DCHS1: variants seen among roughly 807,000 people sequenced by gnomAD.
The protein encoded by DCHS1 is dachsous cadherin-related 1, also known as protocadherin-16.
Under a neutral mutation model 213.9 loss-of-function variants are expected in DCHS1, and 78 were observed. The observed-to-expected ratio is 0.36, with a 90% confidence interval of 0.30 to 0.44. The LOEUF is 0.44. Among genes scored for constraint, DCHS1 ranks in the 20% least tolerant of loss-of-function variants. The pLI is 1.00. For missense variants in DCHS1, 3,946 were observed against 4,395.9 expected, an observed-to-expected ratio of 0.90 and a Z score of 2.89; for synonymous variants, 1,828 against 1,873.7, an observed-to-expected ratio of 0.98 and a Z score of 0.63.
intron 3 of DCHS1, 24 bp downstream of exon 3, chr11:6,634,094 C>A (rs1431448852): frequency 6.3e-7 from 1 of 1,598,448 alleles, no homozygotes; most frequent in Non-Finnish European, 8.5e-7. Flanking sequence ...AACATCCCAA[C>A]CTGCCCTTGG....
rs753145923 is a variant in DCHS1 at position 6,622,282 on chromosome 11, C to T, written c.9394G>A (p.Asp3132Asn). The T allele has an allele frequency of 1.2e-6, 2 of 1,606,780 alleles. No individual in the cohort carries two copies. Among genetic ancestry groups the T allele is most frequent in the Admixed American group, 1.7e-5 (1 of 59,462 alleles). Residue 3132 changes from aspartate (D) to asparagine (N), a missense_variant, in exon 21 of 21, where the codon GAC becomes AAC. Transcript: ENST00000299441. This position sits in a 1 kb window ranked among gnomAD's most constrained non-coding sequence, Gnocchi z 5.4. Reference sequence around the variant, plus strand: ...TTGCCATCTGCTGGGAAGCCATAGTCCCCAGTGGGTGCAGGGCTCAGGCCA... The same window carrying T: ...TTGCCATCTGCTGGGAAGCCATAGTTCCCAGTGGGTGCAGGGCTCAGGCCA... The part of the protein sequence containing the change: ...GCGLSPAPTG[D>N]YGFPADGKPC...
In DCHS1 at chr11:6,630,186, G is replaced by A. The variant is rs769958055; in HGVS notation, c.4608C>T (p.Val1536=). 5.0e-5 allele frequency: 80 copies of A among 1,592,154 alleles called. No homozygotes were observed. Among genetic ancestry groups the A allele is most frequent in the Non-Finnish European group, 6.7e-5 (78 of 1,169,948 alleles). Residue 1536 remains valine (V), a synonymous_variant, in exon 10 of 21, where the codon GTC becomes GTT. Coordinates refer to ENST00000299441, the MANE Select transcript of DCHS1 (RefSeq NM_003737.4). ...CAGGCGCGTTGTCATTCTCATCCGT[G>A]ACGAAGACGCGCGCTGAAACGCGCG... The part of the protein sequence containing the change: ...RAARVSARVF[V]TDENDNAPVF...
intron 2 of DCHS1, among the ~76,000 whole-genome samples, chr11:6,636,683 C>T (rs879542830): frequency 3.3e-5 from 5 of 152,174 alleles, no homozygotes; most frequent in Non-Finnish European, 7.3e-5. Context: ...GCTTCTCCAC[C>T]CACTGCTTCC....
chr11:6,625,321 C>T lies in DCHS1; in HGVS notation c.7023G>A (p.Gln2341=). 3 of 1,613,864 alleles carry T rather than the reference C, an allele frequency of 1.9e-6. No homozygotes were observed. The South Asian group carries it at 3.3e-5, about 18-fold the overall frequency. ...VSLTGPLDFE[Q]CDRYQLQLLA... Reference sequence around the variant, plus strand: ...GCAGCTGCAGCTGGTAGCGGTCACACTGCTCAAAGTCCAGGGGCCCCGTGA... The same window carrying T: ...GCAGCTGCAGCTGGTAGCGGTCACATTGCTCAAAGTCCAGGGGCCCCGTGA... Residue 2341 remains glutamine, a synonymous_variant, in exon 19 of 21, where the codon CAG becomes CAA. Transcript: ENST00000299441. The surrounding 1 kb of genome is among the most constrained non-coding windows in gnomAD (Gnocchi z 5.3).
At position 6,621,398 on chromosome 11, in the gene DCHS1, G is replaced by A. The variant is rs1411137273; in HGVS notation, c.*381C>T. The A allele has an allele frequency of 3.0e-5, 11 of 372,024 alleles. No homozygotes were observed. The East Asian group carries it at 7.1e-4, about 24-fold the overall frequency. 23.0% of individuals were successfully genotyped at this position (372,024 alleles called of 1,614,324 possible). ...TTGGTTCTGGGCAGGGGCAGGGGCA[G>A]GGGTGTCAGTGGAACCCAAAGGAGC... On this transcript the variant is annotated 3_prime_UTR_variant, in exon 21 of 21. Transcript: ENST00000299441.
In DCHS1 at chr11:6,629,679, G is replaced by A. The variant is rs199810660; in HGVS notation, c.5028C>T (p.Pro1676=). The part of the protein sequence containing the change: ...TSLLTLRATD[P]DVGANGQVTY... Reference sequence around the variant, plus strand: ...CACCCCCCCAGGTCTTACCCACGTCGGGGTCGGTTGCTCGCAGGGTGAGCA... The same window carrying A: ...CACCCCCCCAGGTCTTACCCACGTCAGGGTCGGTTGCTCGCAGGGTGAGCA... Residue 1676 remains proline (P), a synonymous_variant, in exon 11 of 21, where the codon CCC becomes CCT. Coordinates refer to ENST00000299441, the MANE Select transcript of DCHS1 (RefSeq NM_003737.4). 1.6e-5 allele frequency: 26 copies of A among 1,613,490 alleles called. No homozygotes were observed. In the South Asian group the frequency reaches 2.6e-4, roughly 16 times the overall value.
At chr11:6,631,519 A>G (rs1855907470) in intron 7 of DCHS1, 97 bp downstream of exon 7, 3 of 1,579,766 alleles carry the variant, frequency 1.9e-6, no homozygotes, top group Middle Eastern at 1.7e-4. Flanking sequence ...CTCACACCCA[A>G]TCCAGGAGGC....
intron 12 of DCHS1, 37 bp downstream of exon 12, chr11:6,629,415 A>G (rs1445584601): frequency 6.2e-7 from 1 of 1,609,034 alleles, no homozygotes. Context: ...TGTTTACAAC[A>G]CCTCACTCAG....
Position 6,628,051 on chromosome 11 carries a change from T to C in DCHS1, c.5372-384A>G, listed in dbSNP as rs191966725. On this transcript the variant is annotated intron_variant, in intron 13 of 20. Transcript: ENST00000299441. This position sits in a 1 kb window ranked among gnomAD's most constrained non-coding sequence, Gnocchi z 4.3. ...ATGTATTCCTGTGTGTTCTAGAATATTCTAGACAGAAAGTTTAGAGCATGA... is the reference window on the plus strand; with the variant it reads ...ATGTATTCCTGTGTGTTCTAGAATACTCTAGACAGAAAGTTTAGAGCATGA... 6.6e-6 allele frequency among the ~76,000 whole-genome samples: 1 copy of C among 152,378 alleles called. No homozygotes were observed. The highest frequency in any genetic ancestry group is 1.9e-4 in the East Asian group (1 of 5,192).
intron 1 of DCHS1, among the ~76,000 whole-genome samples, chr11:6,647,079 G>A (rs1440960873): frequency 6.6e-6 from 1 of 152,208 alleles, no homozygotes; most frequent in African/African-American, 2.4e-5. Context: ...AGACAACAGG[G>A]GTGAGGAGGG....
rs1354929069 is a variant in DCHS1, at chr11:6,626,648, G to C, written c.6268C>G (p.Pro2090Ala). The change falls in exon 15 of 21, where the codon CCC (proline) becomes GCC (alanine). Residue 2090 changes from proline to alanine, a missense_variant. By Grantham distance (27) the Pro-to-Ala change is conservative. Coordinates refer to ENST00000299441, the MANE Select transcript of DCHS1 (RefSeq NM_003737.4). This position sits in a 1 kb window ranked among gnomAD's most constrained non-coding sequence, Gnocchi z 5.2. ...GTGCCTCCTGCATGGACGGCCCTGG[G>C]GGAGACAATAGGAGTCCCTGCAGAA... ...NAPPGTPIVS[P>A]RAVHAGGTNG... The C allele has an allele frequency of 4.3e-6, 7 of 1,613,866 alleles. No homozygotes were observed. Among genetic ancestry groups the C allele is most frequent in the Non-Finnish European group, 8.5e-7 (1 of 1,179,904 alleles).
intron 3 of DCHS1, 21 bp downstream of exon 3, chr11:6,634,097 G>A: frequency 6.3e-7 from 1 of 1,598,686 alleles, no homozygotes; most frequent in Non-Finnish European, 8.5e-7. Flanking sequence ...ATCCCAACCT[G>A]CCCTTGGTCT....
In DCHS1 at chr11:6,640,702, G is replaced by A. The variant is rs1856057773; in HGVS notation, c.912C>T (p.Pro304=). 1 of 1,613,756 alleles carries A rather than the reference G, an allele frequency of 6.2e-7. No homozygotes were observed. The highest frequency in any genetic ancestry group is 8.5e-7 in the Non-Finnish European group (1 of 1,179,892). Residue 304 remains proline (P), a synonymous_variant, in exon 2 of 21, where the codon CCC becomes CCT. Coordinates refer to ENST00000299441, the MANE Select transcript of DCHS1 (RefSeq NM_003737.4). The surrounding 1 kb of genome is among the most constrained non-coding windows in gnomAD (Gnocchi z 6.5). ...INRRQSEGDG[P]FSIDAHTGLL... ...GCCCCGTGTGTGCGTCGATGGAGAA[G>A]GGTCCATCACCCTCGCTCTGCCTCC...
At position 6,627,101 on chromosome 11, in the gene DCHS1, T is replaced by A. The variant is rs146411944; in HGVS notation, c.5938A>T (p.Thr1980Ser). Residue 1980 changes from threonine to serine, a missense_variant, in exon 14 of 21, where the codon ACC (threonine) becomes TCC (serine). Around this residue, in one of 3 missense-constraint regions of DCHS1, gnomAD observed 3,384 missense variants for 3,780.1 expected, o/e 0.90. Coordinates refer to ENST00000299441, the MANE Select transcript of DCHS1 (RefSeq NM_003737.4). The surrounding 1 kb of genome is among the most constrained non-coding windows in gnomAD (Gnocchi z 5.4). ...PRPGPSFSTP[T>S]LALATLRAED... The stretch of plus-strand genomic sequence containing the variant: ...GCTCTCAGTGTGGCCAGAGCCAGGG[T>A]TGGGGTACTGAAGCTGGGGCCTGGG... The A allele has an allele frequency of 1.7e-3, 2,675 of 1,612,600 alleles. 48 individuals are homozygous for A. In the Admixed American group the frequency reaches 0.031, roughly 19 times the overall value.
chr11:6,626,644 C>T lies in DCHS1; in HGVS notation c.6272G>A (p.Arg2091Lys). ...ATTTGTGCCTCCTGCATGGACGGCCCTGGGGGAGACAATAGGAGTCCCTGC... is the reference window on the plus strand; with the variant it reads ...ATTTGTGCCTCCTGCATGGACGGCCTTGGGGGAGACAATAGGAGTCCCTGC... ...APPGTPIVSP[R>K]AVHAGGTNGP... Residue 2091 changes from arginine (R) to lysine (K), a missense_variant, in exon 15 of 21, where the codon AGG (arginine) becomes AAG (lysine). Arg to Lys is a conservative substitution (Grantham distance 26). Around this residue, in one of 3 missense-constraint regions of DCHS1, gnomAD observed 3,384 missense variants for 3,780.1 expected, o/e 0.90. Transcript: ENST00000299441. This position sits in a 1 kb window ranked among gnomAD's most constrained non-coding sequence, Gnocchi z 5.2. 1 of 1,613,924 alleles carries T rather than the reference C, an allele frequency of 6.2e-7. No homozygotes were observed. Among genetic ancestry groups the T allele is most frequent in the Non-Finnish European group, 8.5e-7 (1 of 1,179,874 alleles).
intron 2 of DCHS1, among the ~76,000 whole-genome samples, chr11:6,637,727 C>T (rs1378233303): frequency 1.3e-5 from 2 of 152,018 alleles, no homozygotes; most frequent in Admixed American, 1.3e-4. Flanking sequence ...CCTATCTGTA[C>T]CTCATATATA....
At position 6,641,723 on chromosome 11, in the gene DCHS1, G is replaced by C. The variant is rs200563830; in HGVS notation, c.-110C>G. The C allele has an allele frequency of 2.7e-4, 391 of 1,443,720 alleles. 6 individuals are homozygous for C. The East Asian group carries it at 9.7e-3, about 36-fold the overall frequency. 89.4% of individuals were successfully genotyped at this position (1,443,720 alleles called of 1,614,324 possible). A position where few individuals can be genotyped will look rare whatever the true frequency, so the allele number is the denominator to read the frequency against. ...CCACTGGGGCCCTGGCTCCAGCTCA[G>C]GCTCCCTGACCTGGGAGAAAACAGA... On this transcript the variant is annotated 5_prime_UTR_variant, in exon 2 of 21. Coordinates refer to ENST00000299441, the MANE Select transcript of DCHS1 (RefSeq NM_003737.4). The surrounding 1 kb of genome is among the most constrained non-coding windows in gnomAD (Gnocchi z 7.1).
In DCHS1 at chr11:6,630,519, T is replaced by G. The variant is rs755840765; in HGVS notation, c.4275A>C (p.Gln1425His). The change falls in exon 10 of 21, where the codon CAA becomes CAC. Residue 1425 changes from glutamine (Q) to histidine (H), a missense_variant. This residue lies in a region of DCHS1 where 3,384 missense variants were observed against 3,780.1 expected (regional missense o/e 0.90). Coordinates refer to ENST00000299441, the MANE Select transcript of DCHS1 (RefSeq NM_003737.4). The stretch of plus-strand genomic sequence containing the variant: ...GCGCATGCTCATTCTCGTCCTGCAC[T>G]TGCACCTGCACTCGCAGCAGCCGCG... The part of the protein sequence containing the change: ...AGARLLRVQV[Q>H]VQDENEHAPA... The G allele has an allele frequency of 1.4e-5, 22 of 1,538,900 alleles. No individual in the cohort carries two copies. Among genetic ancestry groups the G allele is most frequent in the South Asian group, 2.4e-5 (2 of 84,810 alleles).
In DCHS1 at chr11:6,640,943, T is replaced by G; in HGVS notation, c.671A>C (p.Gln224Pro). The G allele has an allele frequency of 6.2e-7, 1 of 1,614,018 alleles. No individual in the cohort carries two copies. The highest frequency in any genetic ancestry group is 8.5e-7 in the Non-Finnish European group (1 of 1,179,882). ...DRENRSHYML[Q>P]LEAYDGGSPP... ...TGAACCACCATCATAGGCCTCCAGC[T>G]GTAGCATATAGTGTGAGCGGTTCTC... Residue 224 changes from glutamine to proline, a missense_variant, in exon 2 of 21, where the codon CAG becomes CCG. Transcript: ENST00000299441. This position sits in a 1 kb window ranked among gnomAD's most constrained non-coding sequence, Gnocchi z 6.5.
Sources: allele counts gnomAD v4.1 joint callset (sites outside exome capture counted in the v4.1 genomes callset), GRCh38; gene constraint gnomAD v4.1.1; regional missense constraint gnomAD v4.1.1; non-coding constraint Gnocchi (gnomAD v3.1); transcripts MANE v1.5; gene names NCBI Gene and HGNC (gene_info 2026-07-23, HGNC 2026-07-21).